Variants in CEP120 observed in about 807,000 individuals in gnomAD.
The protein encoded by CEP120 is centrosomal protein 120.
CEP120 carries 113 observed loss-of-function variants against 126.5 expected under a neutral mutation model. The ratio of observed to expected loss-of-function variants is 0.89; its 90% confidence interval spans 0.77 to 1.04. The LOEUF (loss-of-function observed/expected upper bound fraction) is 1.04. Ranked by LOEUF, CEP120 falls within the 50% of genes least tolerant of loss-of-function variation. The pLI is 0.00. For missense variants in CEP120, 1,230 were observed against 1,155.7 expected (o/e 1.06, Z -0.93); for synonymous variants, 400 against 394.3 (o/e 1.01, Z -0.17).
intron 18 of CEP120, among the ~76,000 whole-genome samples, chr5:123,359,266 C>T (rs1355517450): frequency 6.6e-6 from 1 of 152,032 alleles, no homozygotes; most frequent in Non-Finnish European, 1.5e-5. Flanking sequence ...CATTAATTCT[C>T]TTTCCTGTCC....
At chr5:123,397,737 A>G (rs1277974330) in intron 5 of CEP120, among the ~76,000 whole-genome samples, 1 of 152,198 alleles carries the variant, frequency 6.6e-6, no homozygotes, top group Non-Finnish European at 1.5e-5. Flanking sequence ...TGTGGCCACT[A>G]ATTGCAAATT....
chr5:123,386,675 T>TAAAAAA lies in CEP120; in HGVS notation c.1431-9_1431-8insTTTTTT, dbSNP rs1562047830. 41 of 688,848 alleles carry TAAAAAA rather than the reference T, an allele frequency of 6.0e-5. 1 individual carries two copies. The African/African-American group carries it at 6.4e-4, about 11-fold the overall frequency. 42.7% of individuals were successfully genotyped at this position (688,848 alleles called of 1,614,324 possible). On this transcript the variant is annotated splice_polypyrimidine_tract_variant and intron_variant, in intron 9 of 19. Transcript: ENST00000306467. ...AAGAATGGATATGAGTACCTAGAAT[T>TAAAAAA]TAAAAAAAAAAAAAAAAAAAAAAGC...
intron 4 of CEP120, among the ~76,000 whole-genome samples, chr5:123,412,028 T>A (rs1774091692): frequency 6.6e-6 from 1 of 152,130 alleles, no homozygotes; most frequent in Non-Finnish European, 1.5e-5. Context: ...TAAAGTTTAT[T>A]AATTAAAAAA....
chr5:123,407,631 AG>A (rs1773784930), intron 4 of CEP120, among the ~76,000 whole-genome samples: 3 of 152,098 alleles, frequency 2.0e-5, no homozygotes, highest in South Asian at 4.1e-4. Flanking sequence ...TCCAACTTGG[AG>A]ACTTTAACAC....
At chr5:123,370,800 G>A (rs1475899860) in intron 17 of CEP120, among the ~76,000 whole-genome samples, 2 of 148,314 alleles carry the variant, frequency 1.3e-5, no homozygotes, top group Non-Finnish European at 3.0e-5. Context: ...ACAGAGGCAG[G>A]GTTTCTCCAT....
At chr5:123,394,511 C>T (rs775135546) in intron 5 of CEP120, among the ~76,000 whole-genome samples, 13 of 152,208 alleles carry the variant, frequency 8.5e-5, no homozygotes, top group Non-Finnish European at 1.9e-4. Flanking sequence ...CACTTGCCCG[C>T]TGCTCACCTC....
rs116707340 is a variant in CEP120, at chr5:123,417,250, A to G, written c.206+1109T>C. On this transcript the variant is annotated intron_variant, in intron 2 of 19. Transcript: ENST00000306467. ...ATGCAATACTTCTTCAAATAAATCCATGGACTACTCTAGCAACAGAGGTAA... is the reference window on the plus strand; with the variant it reads ...ATGCAATACTTCTTCAAATAAATCCGTGGACTACTCTAGCAACAGAGGTAA... 4.5e-3 allele frequency among the ~76,000 whole-genome samples: 679 copies of G among 152,326 alleles called. 6 individuals carry two copies. The highest frequency in any genetic ancestry group is 0.015 in the African/African-American group (642 of 41,560).
rs1254145320 is a variant in CEP120, at chr5:123,378,348, A to G, written c.2184T>C (p.Ser728=). 2.5e-6 allele frequency: 4 copies of G among 1,605,894 alleles called. No individual in the cohort carries two copies. Among genetic ancestry groups the G allele is most frequent in the East Asian group, 2.2e-5 (1 of 44,518 alleles). ...ACGAATGACATACCTCTGATTCCAC[A>G]CTAGCAAGCTGCTGCTCTCGCTTCT... ...DLEKREQQLA[S]VESELQREKK... is the part of the protein sequence containing the mutation. The change falls in exon 15 of 20, where the codon AGT becomes AGC. Residue 728 remains serine, a synonymous_variant. Transcript: ENST00000306467.
intron 8 of CEP120, among the ~76,000 whole-genome samples, chr5:123,389,571 G>A (rs1772251801): frequency 6.6e-6 from 1 of 152,136 alleles, no homozygotes; most frequent in African/African-American, 2.4e-5. Flanking sequence ...CGCGATCTTG[G>A]CTCACCACAA....
chr5:123,381,994 T>C, intron 14 of CEP120, 117 bp downstream of exon 14: 2 of 659,138 alleles, frequency 3.0e-6, no homozygotes, highest in Non-Finnish European at 5.0e-6. Context: ...ACTTCTTCCA[T>C]GCCAACATAT....
intron 5 of CEP120, 53 bp from the exon 6 acceptor site, chr5:123,393,550 T>C: frequency 7.1e-7 from 1 of 1,414,292 alleles, no homozygotes; most frequent in Non-Finnish European, 9.9e-7. Flanking sequence ...CTACTGAACA[T>C]GCTTAGTGTA....
chr5:123,376,155 CA>C (rs1258380247), intron 16 of CEP120, among the ~76,000 whole-genome samples: 1 of 151,938 alleles, frequency 6.6e-6, no homozygotes, highest in African/African-American at 2.4e-5. Flanking sequence ...ACCGATATGA[CA>C]TATCATAAAG....
chr5:123,383,490 T>C (rs1289034176), intron 11 of CEP120, among the ~76,000 whole-genome samples: 1 of 152,148 alleles, frequency 6.6e-6, no homozygotes, highest in Non-Finnish European at 1.5e-5. Context: ...TCAGGGGCAT[T>C]TTCTCACATC....
rs894118281 is a variant in CEP120, at chr5:123,423,397, G to C, written c.-399C>G. 4 of 260,532 alleles carry C rather than the reference G, an allele frequency of 1.5e-5. No individual in the cohort carries two copies. Among genetic ancestry groups the C allele is most frequent in the South Asian group, 1.4e-4 (3 of 22,056 alleles). 16.1% of individuals were successfully genotyped at this position (260,532 alleles called of 1,614,324 possible). A position where few individuals can be genotyped will look rare whatever the true frequency, so the allele number is the denominator to read the frequency against. ...GGCCCAGTGCCCAGGGGAGGTTGGA[G>C]GACAACGGGTGATAGAGACAGAGCA... is the stretch of plus-strand genomic sequence containing the variant. On this transcript the variant is annotated 5_prime_UTR_variant, in exon 1 of 20. Coordinates refer to ENST00000306467, the MANE Select transcript of CEP120 (RefSeq NM_001375405.1).
rs1005066860 is a variant in CEP120 at position 123,401,536 on chromosome 5, C to T, written c.464-2252G>A. ...CCTCGGCCTGGCTGCGGTTGGCGAT[C>T]TCCTCGTACTGTGCCTTGACCTCAG... On this transcript the variant is annotated intron_variant, in intron 4 of 19. Transcript: ENST00000306467. 18 of 1,308,948 alleles carry T rather than the reference C, an allele frequency of 1.4e-5. No individual in the cohort carries two copies. The African/African-American group carries it at 1.4e-4, about 11-fold the overall frequency. The allele number at this position is 1,308,948 out of a possible 1,614,324, so 81.1% of individuals were successfully genotyped here. A position where few individuals can be genotyped will look rare whatever the true frequency, so the allele number is the denominator to read the frequency against.
chr5:123,408,673 A>T (rs1028983745), intron 4 of CEP120, among the ~76,000 whole-genome samples: 14 of 152,224 alleles, frequency 9.2e-5, no homozygotes, highest in African/African-American at 3.4e-4. Flanking sequence ...ATCACTGGTG[A>T]ATTCCACCAA....
intron 7 of CEP120, chr5:123,390,456 C>G: frequency 2.5e-6 from 1 of 406,160 alleles, no homozygotes; most frequent in Non-Finnish European, 4.7e-6. Flanking sequence ...CAATGGAGAA[C>G]TATACTCCTA....
intron 10 of CEP120, among the ~76,000 whole-genome samples, chr5:123,385,421 CTACAG>C (rs1407854469): frequency 3.9e-5 from 6 of 152,076 alleles, no homozygotes; most frequent in Middle Eastern, 3.2e-3. Flanking sequence ...GTCCAACTGC[CTACAG>C]TATTCAGTAC....
intron 5 of CEP120, among the ~76,000 whole-genome samples, chr5:123,397,050 A>G (rs1772839257): frequency 6.6e-6 from 1 of 152,186 alleles, no homozygotes; most frequent in African/African-American, 2.4e-5. Context: ...TCAGCTGGGC[A>G]TGGTGGCTCA....
Sources: gnomAD v4.1 joint callset for allele counts (sites outside exome capture counted in the v4.1 genomes callset) on GRCh38, gnomAD v4.1.1 for gene constraint, MANE v1.5 for transcripts, NCBI Gene and HGNC (gene_info 2026-07-23, HGNC 2026-07-21) for gene names.